Variants in EPHA6 observed in about 807,000 individuals in gnomAD.
The protein encoded by EPHA6 is EPH receptor A6.
EPHA6 carries 50 observed loss-of-function variants against 112.0 expected under a neutral mutation model. The ratio of observed to expected loss-of-function variants is 0.45; its 90% CI spans 0.36 to 0.56. The LOEUF (loss-of-function observed/expected upper bound fraction) is 0.56, where lower values mean the gene tolerates loss of function less well. Among genes scored for constraint, EPHA6 ranks in the 20% least tolerant of loss-of-function variants. EPHA6 has a pLI of 0.00. For missense variants in EPHA6, 1,280 were observed against 1,417.4 expected (o/e 0.90, Z 1.56); for synonymous variants, 529 against 490.7 (o/e 1.08, Z -1.03).
At chr3:97,346,917 C>G (rs1179810546) in intron 5 of EPHA6, among the ~76,000 whole-genome samples, 1 of 151,932 alleles carries the variant, frequency 6.6e-6, no homozygotes, top group African/African-American at 2.4e-5. Context: ...TTATAAAATG[C>G]CTGACACATA....
intron 3 of EPHA6, among the ~76,000 whole-genome samples, chr3:97,171,565 TG>T (rs1352195715): frequency 1.3e-5 from 2 of 152,088 alleles, no homozygotes; most frequent in African/African-American, 2.4e-5. Flanking sequence ...AGAAGTGACA[TG>T]ATTTCTGGGT....
chr3:97,501,705 T>G (rs2092121398), intron 10 of EPHA6, among the ~76,000 whole-genome samples: 1 of 151,976 alleles, frequency 6.6e-6, no homozygotes, highest in African/African-American at 2.4e-5. Context: ...AGTAAATGTA[T>G]CTAGCCTTAA....
chr3:97,697,845 A>G (rs542969134), intron 14 of EPHA6, among the ~76,000 whole-genome samples: 2 of 152,060 alleles, frequency 1.3e-5, no homozygotes, highest in Non-Finnish European at 2.9e-5. Flanking sequence ...AAAACTTCCC[A>G]AGTTGACTCC....
At chr3:97,295,149 A>G (rs1559858677) in intron 5 of EPHA6, among the ~76,000 whole-genome samples, 2 of 152,070 alleles carry the variant, frequency 1.3e-5, no homozygotes, top group African/African-American at 2.4e-5. Context: ...TTTACCTGTT[A>G]TTTCACTAAA....
At chr3:96,835,134 C>A (rs1228521737) in intron 1 of EPHA6, among the ~76,000 whole-genome samples, 1 of 152,042 alleles carries the variant, frequency 6.6e-6, no homozygotes, top group African/African-American at 2.4e-5. Context: ...ACCTAGTTCC[C>A]TACCTTTGGA....
chr3:97,124,469 A>AAAAGAAAG (rs35225817), intron 3 of EPHA6, among the ~76,000 whole-genome samples: 20,523 of 149,756 alleles, frequency 0.14, 1,550 homozygotes, highest in Admixed American at 0.17. Context: ...TCTGTTTAAA[A>AAAAGAAAG]AAAGAAAGAA....
chr3:97,069,670 C>T (rs1022193192), intron 3 of EPHA6, among the ~76,000 whole-genome samples: 3 of 152,060 alleles, frequency 2.0e-5, no homozygotes, highest in Admixed American at 2.0e-4. Flanking sequence ...CATATAACAG[C>T]TGTAAACACA....
At chr3:96,898,123 A>T (rs2038383365) in intron 2 of EPHA6, among the ~76,000 whole-genome samples, 1 of 152,222 alleles carries the variant, frequency 6.6e-6, no homozygotes, top group Admixed American at 6.5e-5. Flanking sequence ...CTGAACATGG[A>T]AAACACCTAT....
chr3:97,547,709 C>A (rs112518411), intron 11 of EPHA6, among the ~76,000 whole-genome samples: 1 of 152,192 alleles, frequency 6.6e-6, no homozygotes, highest in Admixed American at 6.5e-5. Context: ...GTGGGCTCCA[C>A]CCAGTTCGAG....
intron 3 of EPHA6, among the ~76,000 whole-genome samples, chr3:97,176,202 A>AT (rs1231958499): frequency 6.6e-6 from 1 of 151,782 alleles, no homozygotes. Context: ...TGTCATGTTG[A>AT]TTTATTTGCA....
At chr3:97,213,459 A>G (rs2317606) in intron 3 of EPHA6, among the ~76,000 whole-genome samples, 21,006 of 151,970 alleles carry the variant, frequency 0.14, 1,950 homozygotes, top group Non-Finnish European at 0.21. Context: ...TAAGCAAGAA[A>G]AGAAAAAACG....
chr3:97,682,649 T>C (rs929804700), intron 14 of EPHA6, among the ~76,000 whole-genome samples: 6 of 152,120 alleles, frequency 3.9e-5, no homozygotes, highest in Admixed American at 2.0e-4. Flanking sequence ...TTGTGCTCAA[T>C]TGAGGGTGCG....
At chr3:97,706,048 A>G (rs1474475518) in intron 14 of EPHA6, among the ~76,000 whole-genome samples, 1 of 152,216 alleles carries the variant, frequency 6.6e-6, no homozygotes, top group African/African-American at 2.4e-5. Flanking sequence ...CTTTGCCAAA[A>G]TGTATTCACT....
At chr3:97,128,105 G>A (rs1404324129) in intron 3 of EPHA6, among the ~76,000 whole-genome samples, 4 of 152,046 alleles carry the variant, frequency 2.6e-5, no homozygotes, top group African/African-American at 9.7e-5. Flanking sequence ...GTGAGAGCAT[G>A]CAGTATTTGG....
chr3:97,560,306 A>T (rs1210177679), intron 11 of EPHA6, among the ~76,000 whole-genome samples: 1 of 152,042 alleles, frequency 6.6e-6, no homozygotes, highest in South Asian at 2.1e-4. Flanking sequence ...TTAGGCCTTC[A>T]CAAGAGTGTA....
At chr3:97,388,816 A>G (rs1413262861) in intron 5 of EPHA6, among the ~76,000 whole-genome samples, 2 of 152,200 alleles carry the variant, frequency 1.3e-5, no homozygotes, top group African/African-American at 2.4e-5. Flanking sequence ...TATTAAGTGT[A>G]GAGGGAGTAG....
intron 16 of EPHA6, 89 bp downstream of exon 16, chr3:97,736,207 A>C (rs2035245218): frequency 9.4e-7 from 1 of 1,064,936 alleles, no homozygotes; most frequent in African/African-American, 1.6e-5. Flanking sequence ...AAAGGAAAAA[A>C]ATGCCTTGAT....
At chr3:97,646,131 C>T in intron 14 of EPHA6, 1 of 1,525,868 alleles carries the variant, frequency 6.6e-7, no homozygotes, top group African/African-American at 1.4e-5. Flanking sequence ...ACCCACAAAT[C>T]ACAACAAAGA....
intron 3 of EPHA6, among the ~76,000 whole-genome samples, chr3:97,080,778 A>G (rs796859299): frequency 1.1e-4 from 16 of 152,160 alleles, no homozygotes; most frequent in Middle Eastern, 3.4e-3. Flanking sequence ...AAAAATAAAG[A>G]TAACATACAT....
Sources: gnomAD v4.1 joint callset for allele counts (sites outside exome capture counted in the v4.1 genomes callset) on GRCh38, gnomAD v4.1.1 for gene constraint, MANE v1.5 for transcripts, NCBI Gene and HGNC (gene_info 2026-07-23, HGNC 2026-07-21) for gene names.